The following NR2C2 variants were observed in gnomAD, a reference collection of about 807,000 sequenced individuals.
The protein encoded by NR2C2 is nuclear receptor subfamily 2 group C member 2.
A neutral mutation model predicts 62.9 loss-of-function variants in NR2C2; 6 were observed. That is an observed-to-expected ratio of 0.10 (90% confidence interval 0.05 to 0.19). The LOEUF is 0.19. Ranked by LOEUF, NR2C2 falls within the 10% of genes least tolerant of loss-of-function variation. NR2C2 has a pLI of 1.00. For synonymous variants in NR2C2, 272 were observed against 273.8 expected, an observed-to-expected ratio of 0.99 and a Z score of 0.07; for missense variants, 479 against 762.7, an observed-to-expected ratio of 0.63 and a Z score of 4.38.
rs2042497451 is a variant in NR2C2 at position 15,047,486 on chromosome 3, G to T, written c.*4478G>T. 1 of 152,228 alleles carries T rather than the reference G, an allele frequency of 6.6e-6. No individual in the cohort carries two copies. Among genetic ancestry groups the T allele is most frequent in the African/African-American group, 2.4e-5 (1 of 41,456 alleles). The allele number at this position is 152,228 out of a possible 1,614,324, so 9.4% of individuals were successfully genotyped here. A position where few individuals can be genotyped will look rare whatever the true frequency, so the allele number is the denominator to read the frequency against. On this transcript the variant is annotated 3_prime_UTR_variant, in exon 14 of 14. Transcript: ENST00000425241. ...GGCCCTACCTGGAAGGAACTTGGCA[G>T]TTGGGTTGAGCCATCAGCCTTCCCA...
chr3:14,968,986 TGGGGTGG>T (rs2125280078), intron 1 of NR2C2, among the ~76,000 whole-genome samples: 1 of 103,148 alleles, frequency 9.7e-6, no homozygotes, highest in African/African-American at 3.7e-5. Flanking sequence ...GGGACTGTTG[TGGGGTGG>T]GGGGAGGGGG....
At chr3:15,029,954 GAAAA>G (rs1425415731) in intron 8 of NR2C2, among the ~76,000 whole-genome samples, 1 of 151,956 alleles carries the variant, frequency 6.6e-6, no homozygotes, top group Non-Finnish European at 1.5e-5. Context: ...AGAAAGAAAA[GAAAA>G]GAAAGAAATT....
intron 7 of NR2C2, among the ~76,000 whole-genome samples, chr3:15,025,266 G>C (rs2041791430): frequency 6.6e-6 from 1 of 152,244 alleles, no homozygotes; most frequent in South Asian, 2.1e-4. Context: ...TCCACACACA[G>C]ACTGGGAATG....
chr3:15,002,552 T>C (rs1016963025), intron 1 of NR2C2, among the ~76,000 whole-genome samples: 1 of 151,952 alleles, frequency 6.6e-6, no homozygotes, highest in Non-Finnish European at 1.5e-5. Context: ...GTGATGTCTT[T>C]GGTTTCAGTA....
intron 2 of NR2C2, 29 bp from the exon 3 acceptor site, chr3:15,013,560 G>T: frequency 6.2e-7 from 1 of 1,607,260 alleles, no homozygotes; most frequent in South Asian, 1.1e-5. Context: ...GACACTCCAT[G>T]AGAGCAGCCT....
At chr3:15,003,340 G>T (rs2041076528) in intron 1 of NR2C2, among the ~76,000 whole-genome samples, 1 of 152,116 alleles carries the variant, frequency 6.6e-6, no homozygotes, top group Non-Finnish European at 1.5e-5. Context: ...TTTGGGATAG[G>T]TATTGACTAA....
At position 14,951,128 on chromosome 3, in the gene NR2C2, C is replaced by T. The variant is rs2039345203; in HGVS notation, c.-40+3222C>T. Among the ~76,000 whole-genome samples the T allele has an allele frequency of 2.6e-5, 4 of 152,164 alleles. No individual in the cohort carries two copies. The South Asian group carries it at 8.3e-4, about 32-fold the overall frequency. On this transcript the variant is annotated intron_variant, in intron 1 of 13. Coordinates refer to ENST00000425241, the MANE Select transcript of NR2C2 (RefSeq NM_001291694.2). ...TTACTTTAGCTGAAGAAACGAAGCACTAAGCTACCATGATTTTCTTGAAAT... is the reference window on the plus strand; with the variant it reads ...TTACTTTAGCTGAAGAAACGAAGCATTAAGCTACCATGATTTTCTTGAAAT...
chr3:15,023,899 T>C (rs958175311), intron 6 of NR2C2, among the ~76,000 whole-genome samples: 1 of 152,216 alleles, frequency 6.6e-6, no homozygotes, highest in Non-Finnish European at 1.5e-5. Context: ...CATCTGCATT[T>C]CATCCTGTCT....
chr3:15,014,361 G>A (rs988612618), intron 3 of NR2C2, among the ~76,000 whole-genome samples: 8 of 152,176 alleles, frequency 5.3e-5, no homozygotes, highest in Non-Finnish European at 1.2e-4. Flanking sequence ...TTGCTAGCAT[G>A]AGTCTGGGAA....
At chr3:14,988,778 T>C (rs890856578) in intron 1 of NR2C2, among the ~76,000 whole-genome samples, 2 of 152,190 alleles carry the variant, frequency 1.3e-5, no homozygotes, top group Admixed American at 1.3e-4. Context: ...CCTGGGTTTG[T>C]GCTAGAATCT....
chr3:15,045,877 GCTGGCTCAGAGAGGTGGGAC>G lies in NR2C2; in HGVS notation c.*2870_*2889del, dbSNP rs2042432297. ...GCTCCTCCCTCAATGAGGAGAGGCA[GCTGGCTCAGAGAGGTGGGAC>G]AGACACATGCTGTCATCAGTTAAGT... On this transcript the variant is annotated 3_prime_UTR_variant, in exon 14 of 14. Coordinates refer to ENST00000425241, the MANE Select transcript of NR2C2 (RefSeq NM_001291694.2). The G allele has an allele frequency of 1.3e-5, 2 of 152,266 alleles. No individual in the cohort carries two copies. The highest frequency in any genetic ancestry group is 1.3e-4 in the Admixed American group (2 of 15,284). 9.4% of individuals were successfully genotyped at this position (152,266 alleles called of 1,614,324 possible). A position where few individuals can be genotyped will look rare whatever the true frequency, so the allele number is the denominator to read the frequency against.
intron 5 of NR2C2, among the ~76,000 whole-genome samples, chr3:15,022,921 C>G (rs1415193192): frequency 6.6e-6 from 1 of 152,168 alleles, no homozygotes; most frequent in Non-Finnish European, 1.5e-5. Context: ...GCCCAGAAGG[C>G]TCATGGGTGC....
chr3:15,020,724 A>G (rs2041648459), intron 4 of NR2C2, 29 bp from the exon 5 acceptor site: 1 of 1,609,826 alleles, frequency 6.2e-7, no homozygotes, highest in African/African-American at 1.3e-5. Context: ...TAGTCACAAA[A>G]TATTTGTGTA....
chr3:14,986,340 A>G (rs998681643), intron 1 of NR2C2, among the ~76,000 whole-genome samples: 1 of 152,218 alleles, frequency 6.6e-6, no homozygotes, highest in Non-Finnish European at 1.5e-5. Context: ...ACATACTTAA[A>G]TAAGGGTACT....
chr3:14,980,394 C>T (rs993707679), intron 1 of NR2C2, among the ~76,000 whole-genome samples: 3 of 152,086 alleles, frequency 2.0e-5, no homozygotes, highest in Admixed American at 6.6e-5. Flanking sequence ...AACTCCTGGC[C>T]TCAAGCCATT....
intron 11 of NR2C2, among the ~76,000 whole-genome samples, chr3:15,037,133 A>G (rs111707445): frequency 2.0e-5 from 3 of 150,936 alleles, no homozygotes; most frequent in African/African-American, 7.3e-5. Context: ...AAAACCCCTT[A>G]CAACATTTTA....
At chr3:15,006,860 C>T (rs2041187446) in intron 2 of NR2C2, among the ~76,000 whole-genome samples, 1 of 150,972 alleles carries the variant, frequency 6.6e-6, no homozygotes, top group South Asian at 2.1e-4. Context: ...ACTGCAACTT[C>T]TGCCTCCCAG....
chr3:15,006,332 T>C (rs780338138), intron 2 of NR2C2, among the ~76,000 whole-genome samples: 2 of 152,200 alleles, frequency 1.3e-5, no homozygotes, highest in African/African-American at 2.4e-5. Context: ...TTAAAGCAGG[T>C]TCTTTTTACC....
chr3:15,041,322 G>A (rs1308354620), intron 13 of NR2C2, among the ~76,000 whole-genome samples: 1 of 152,014 alleles, frequency 6.6e-6, no homozygotes, highest in East Asian at 1.9e-4. Flanking sequence ...TATCTCTGCT[G>A]ATAGAAATCT....
Sources: allele counts gnomAD v4.1 joint callset (sites outside exome capture counted in the v4.1 genomes callset), GRCh38; gene constraint gnomAD v4.1.1; transcripts MANE v1.5; gene names NCBI Gene and HGNC (gene_info 2026-07-23, HGNC 2026-07-21).